Variants in LYPLAL1 observed in about 807,000 individuals in gnomAD.
The protein encoded by LYPLAL1 is lysophospholipase like 1.
In LYPLAL1, 23 loss-of-function variants were observed where a neutral mutation model predicts 19.7. The observed-to-expected ratio is 1.17, with a 90% CI of 0.84 to 1.65. LYPLAL1 has a LOEUF of 1.65. Ranked by LOEUF, LYPLAL1 falls within the 40% of genes most tolerant of loss-of-function variation. The pLI, the probability that LYPLAL1 is intolerant of heterozygous loss-of-function variation, is 0.00. For missense variants in LYPLAL1, 355 were observed against 279.4 expected (o/e 1.27, Z -1.93); for synonymous variants, 119 against 96.3 (o/e 1.24, Z -1.38).
the LYPLAL1 span, among the ~76,000 whole-genome samples, chr1:219,290,598 A>G: frequency 6.9e-3 from 1,053 of 152,288 alleles, 9 homozygotes; most frequent in African/African-American, 0.022. Flanking sequence ...CTATATATAA[A>G]CAAGTATTGT....
the LYPLAL1 span, among the ~76,000 whole-genome samples, chr1:219,312,310 C>A: frequency 6.6e-6 from 1 of 152,132 alleles, no homozygotes; most frequent in South Asian, 2.1e-4. Context: ...GAAATTTTGC[C>A]AGGGACCTCA....
At chr1:219,438,177 A>G in the LYPLAL1 span, among the ~76,000 whole-genome samples, 1 of 152,210 alleles carries the variant, frequency 6.6e-6, no homozygotes, top group Non-Finnish European at 1.5e-5. Flanking sequence ...ATACAATGAC[A>G]AAAACTATTT....
chr1:219,272,525 C>G, the LYPLAL1 span: 2 of 152,370 alleles, frequency 1.3e-5, no homozygotes, highest in South Asian at 2.1e-4. Flanking sequence ...AATCCCAACA[C>G]TTTCGGAGGC....
intron 2 of LYPLAL1, among the ~76,000 whole-genome samples, chr1:219,184,544 G>A (rs1280672399): frequency 6.6e-6 from 1 of 151,878 alleles, no homozygotes; most frequent in African/African-American, 2.4e-5. Context: ...TAGAGGGGAA[G>A]TGTTCAGTAT....
chr1:219,272,110 T>C, the LYPLAL1 span: 1 of 152,302 alleles, frequency 6.6e-6, no homozygotes, highest in Admixed American at 6.5e-5. Flanking sequence ...AGGGCCTTAA[T>C]AAGCATTGCA....
At chr1:219,387,137 C>A in the LYPLAL1 span, among the ~76,000 whole-genome samples, 1 of 152,132 alleles carries the variant, frequency 6.6e-6, no homozygotes, top group African/African-American at 2.4e-5. Context: ...CCACATGCTC[C>A]TCTGTCCAAA....
chr1:219,423,254 C>A, the LYPLAL1 span, among the ~76,000 whole-genome samples: 1 of 150,480 alleles, frequency 6.6e-6, no homozygotes. Context: ...CTCTTACCAA[C>A]TGGAAGTAAT....
At chr1:219,358,525 G>A in the LYPLAL1 span, among the ~76,000 whole-genome samples, 1 of 152,120 alleles carries the variant, frequency 6.6e-6, no homozygotes, top group Non-Finnish European at 1.5e-5. Flanking sequence ...GTTCCACCAG[G>A]CTGGGGAGGC....
At chr1:219,232,797 A>G in the LYPLAL1 span, among the ~76,000 whole-genome samples, 77 of 152,100 alleles carry the variant, frequency 5.1e-4, no homozygotes, top group African/African-American at 1.8e-3. Flanking sequence ...CAACATGCCT[A>G]CTCATTAGGG....
the LYPLAL1 span, among the ~76,000 whole-genome samples, chr1:219,417,971 T>C: frequency 5.9e-5 from 9 of 152,370 alleles, no homozygotes; most frequent in East Asian, 9.6e-4. Context: ...TCTTGGATAT[T>C]CTTCCTTAAC....
the LYPLAL1 span, among the ~76,000 whole-genome samples, chr1:219,231,022 C>A: frequency 6.6e-6 from 1 of 152,204 alleles, no homozygotes; most frequent in Admixed American, 6.5e-5. Flanking sequence ...TTATATAAAT[C>A]TTTGCAAATA....
the LYPLAL1 span, among the ~76,000 whole-genome samples, chr1:219,315,674 G>A: frequency 6.6e-6 from 1 of 152,062 alleles, no homozygotes. Flanking sequence ...AATACAACTG[G>A]TTTCACCCAT....
the LYPLAL1 span, among the ~76,000 whole-genome samples, chr1:219,368,432 C>G: frequency 6.6e-6 from 1 of 152,186 alleles, no homozygotes; most frequent in Non-Finnish European, 1.5e-5. Flanking sequence ...AGAATAACAT[C>G]CATAACCTAT....
At chr1:219,253,458 A>G in the LYPLAL1 span, among the ~76,000 whole-genome samples, 6 of 152,028 alleles carry the variant, frequency 3.9e-5, no homozygotes, top group Non-Finnish European at 7.4e-5. Flanking sequence ...TGTGTTCCAG[A>G]GATTCTGGTA....
chr1:219,232,336 T>A, the LYPLAL1 span, among the ~76,000 whole-genome samples: 3 of 151,668 alleles, frequency 2.0e-5, no homozygotes, highest in African/African-American at 4.8e-5. Flanking sequence ...GCATACTTTT[T>A]AAAAAAAATA....
the LYPLAL1 span, among the ~76,000 whole-genome samples, chr1:219,379,072 T>G: frequency 6.6e-6 from 1 of 152,224 alleles, no homozygotes; most frequent in Non-Finnish European, 1.5e-5. Flanking sequence ...ATATATATTA[T>G]GTATGTTTGT....
At chr1:219,377,083 A>C in the LYPLAL1 span, among the ~76,000 whole-genome samples, 1 of 152,200 alleles carries the variant, frequency 6.6e-6, no homozygotes, top group African/African-American at 2.4e-5. Context: ...ATCAACCCAA[A>C]GTGTCCACAG....
the LYPLAL1 span, among the ~76,000 whole-genome samples, chr1:219,250,526 TG>T: frequency 1.1e-4 from 16 of 151,928 alleles, no homozygotes; most frequent in African/African-American, 3.6e-4. Flanking sequence ...ACATGTGTCA[TG>T]GGGATTTATT....
chr1:219,417,090 T>C, the LYPLAL1 span, among the ~76,000 whole-genome samples: 5 of 152,338 alleles, frequency 3.3e-5, no homozygotes, highest in East Asian at 9.6e-4. Flanking sequence ...TACTCTTTTT[T>C]TCCCCCTTTC....
Sources: gnomAD v4.1 joint callset for allele counts (sites outside exome capture counted in the v4.1 genomes callset) on GRCh38, gnomAD v4.1.1 for gene constraint, MANE v1.5 for transcripts, NCBI Gene and HGNC (gene_info 2026-07-23, HGNC 2026-07-21) for gene names.